Variants in MAP2 observed in about 807,000 individuals in gnomAD.
MAP2 encodes microtubule-associated protein 2.
MAP2 carries 14 observed loss-of-function variants against 137.6 expected under a neutral mutation model. The ratio of observed to expected loss-of-function variants is 0.10; its 90% confidence interval spans 0.07 to 0.16. The LOEUF (loss-of-function observed/expected upper bound fraction) is 0.16. Among genes scored for constraint, MAP2 ranks in the 10% least tolerant of loss-of-function variants. The pLI, the probability that MAP2 is intolerant of heterozygous loss-of-function variation, is 1.00. For missense variants in MAP2, 2,088 were observed against 2,191.5 expected, an observed-to-expected ratio of 0.95 and a Z score of 0.94; for synonymous variants, 786 against 782.3, an observed-to-expected ratio of 1.00 and a Z score of -0.08.
At chr2:209,426,613 T>C (rs774264584) in intron 1 of MAP2, among the ~76,000 whole-genome samples, 2 of 152,186 alleles carry the variant, frequency 1.3e-5, no homozygotes, top group African/African-American at 2.4e-5. Flanking sequence ...TTCAGATTCA[T>C]TGAGAGAGCA....
intron 5 of MAP2, among the ~76,000 whole-genome samples, chr2:209,656,722 T>C (rs779572700): frequency 4.0e-5 from 6 of 150,226 alleles, no homozygotes; most frequent in South Asian, 2.1e-4. Context: ...AGGAAAGCTG[T>C]CGTTATAATA....
At chr2:209,667,998 C>T (rs981466862) in intron 5 of MAP2, among the ~76,000 whole-genome samples, 55 of 151,996 alleles carry the variant, frequency 3.6e-4, no homozygotes, top group Non-Finnish European at 1.6e-4. Context: ...AGGCTACCTA[C>T]CTAGATAGCA....
In MAP2 at chr2:209,510,672, T is replaced by C. The variant is rs113096434; in HGVS notation, c.-172+3031T>C. Among the ~76,000 whole-genome samples, 542 of 152,096 alleles carry C rather than the reference T, an allele frequency of 3.6e-3. 2 individuals are homozygous for C. The highest frequency in any genetic ancestry group is 0.016 in the South Asian group (79 of 4,818). ...ATGATGGATTCTCAATTTTAGAATATAAAATAGGAAACAGATGCTTGTAAA... is the reference window on the plus strand; with the variant it reads ...ATGATGGATTCTCAATTTTAGAATACAAAATAGGAAACAGATGCTTGTAAA... On this transcript the variant is annotated intron_variant, in intron 2 of 15. Transcript: ENST00000682079.
intron 2 of MAP2, among the ~76,000 whole-genome samples, chr2:209,507,897 T>C (rs1379189597): frequency 6.6e-6 from 1 of 152,068 alleles, no homozygotes; most frequent in Non-Finnish European, 1.5e-5. Context: ...TTTCGAATAA[T>C]GAAAAAAATC....
chr2:209,557,786 G>C (rs1438348967), intron 2 of MAP2, among the ~76,000 whole-genome samples: 2 of 152,188 alleles, frequency 1.3e-5, no homozygotes, highest in African/African-American at 4.8e-5. Flanking sequence ...AAGTCCATGA[G>C]CAGTGTGGGA....
intron 2 of MAP2, among the ~76,000 whole-genome samples, chr2:209,518,978 AT>A (rs1344217602): frequency 6.6e-6 from 1 of 152,054 alleles, no homozygotes; most frequent in Non-Finnish European, 1.5e-5. Flanking sequence ...GAAATTTGGA[AT>A]TTTACTGTTT....
At chr2:209,468,324 T>C (rs1341492170) in intron 1 of MAP2, among the ~76,000 whole-genome samples, 30 of 139,636 alleles carry the variant, frequency 2.1e-4, no homozygotes, top group Admixed American at 1.9e-3. Flanking sequence ...TTTCTTTTTT[T>C]TTTTTTTTTT....
chr2:209,558,885 T>TA (rs2071315896), intron 2 of MAP2, among the ~76,000 whole-genome samples: 2 of 152,048 alleles, frequency 1.3e-5, no homozygotes, highest in African/African-American at 4.8e-5. Context: ...AGAGTATATA[T>TA]TTTTTGGGGA....
At chr2:209,646,148 A>T (rs1379823648) in intron 4 of MAP2, among the ~76,000 whole-genome samples, 1 of 152,172 alleles carries the variant, frequency 6.6e-6, no homozygotes, top group African/African-American at 2.4e-5. Flanking sequence ...AGTGAGTGTG[A>T]TTGCATCATT....
intron 2 of MAP2, among the ~76,000 whole-genome samples, chr2:209,536,594 A>G (rs1398676044): frequency 6.6e-6 from 1 of 152,180 alleles, no homozygotes; most frequent in Non-Finnish European, 1.5e-5. Flanking sequence ...AGCTTCTCAC[A>G]TGGTTCCAGA....
At chr2:209,544,883 G>A (rs969040915) in intron 2 of MAP2, among the ~76,000 whole-genome samples, 2 of 152,232 alleles carry the variant, frequency 1.3e-5, no homozygotes, top group Non-Finnish European at 2.9e-5. Context: ...TGATTACTCT[G>A]GGCTTGAATA....
Position 209,694,438 on chromosome 2 carries a change from C to G in MAP2, c.2268C>G (p.Ala756=). ...LPATTPALEK[A]PCFPVESKEE... is the part of the protein sequence containing the mutation. ...CCACCACACCTGCACTGGAGAAAGC[C>G]CCTTGCTTCCCTGTAGAAAGCAAAG... The change falls in exon 8 of 16, where the codon GCC becomes GCG. Residue 756 remains alanine (A), a synonymous_variant. Transcript: ENST00000682079. 6.2e-7 allele frequency: 1 copy of G among 1,613,948 alleles called. No homozygotes were observed. The highest frequency in any genetic ancestry group is 8.5e-7 in the Non-Finnish European group (1 of 1,179,964).
At chr2:209,492,838 A>G (rs1224375234) in intron 1 of MAP2, among the ~76,000 whole-genome samples, 1 of 152,188 alleles carries the variant, frequency 6.6e-6, no homozygotes, top group Admixed American at 6.5e-5. Flanking sequence ...AGGAAGAAAC[A>G]ATATCATGAA....
chr2:209,554,790 T>G (rs1408443806), intron 2 of MAP2, among the ~76,000 whole-genome samples: 1 of 151,378 alleles, frequency 6.6e-6, no homozygotes, highest in Non-Finnish European at 1.5e-5. Context: ...AAGCTCGTTT[T>G]GGGACTAAAA....
chr2:209,660,765 G>C (rs1343885789), intron 5 of MAP2, among the ~76,000 whole-genome samples: 1 of 139,670 alleles, frequency 7.2e-6, no homozygotes, highest in Non-Finnish European at 1.5e-5. Flanking sequence ...ACCGAGTCTC[G>C]CTCTGTCGCC....
chr2:209,462,852 AGTTTT>A (rs1703160985), intron 1 of MAP2, among the ~76,000 whole-genome samples: 1 of 152,134 alleles, frequency 6.6e-6, no homozygotes, highest in Non-Finnish European at 1.5e-5. Flanking sequence ...TTCTCCACTT[AGTTTT>A]AAGATTTTCC....
chr2:209,510,134 G>T (rs1371283766), intron 2 of MAP2, among the ~76,000 whole-genome samples: 1 of 151,084 alleles, frequency 6.6e-6, no homozygotes, highest in Non-Finnish European at 1.5e-5. Flanking sequence ...TTAAAAAAAT[G>T]TGTATTGGTT....
chr2:209,632,479 G>A (rs2093173230), intron 4 of MAP2, among the ~76,000 whole-genome samples: 2 of 152,120 alleles, frequency 1.3e-5, no homozygotes, highest in Admixed American at 1.3e-4. Flanking sequence ...CAACAAAAAA[G>A]TGTCATACTT....
At chr2:209,499,529 C>T (rs895430800) in intron 1 of MAP2, among the ~76,000 whole-genome samples, 1 of 152,280 alleles carries the variant, frequency 6.6e-6, no homozygotes, top group African/African-American at 2.4e-5. Context: ...TATAGCAACA[C>T]CCCACTCTTC....
Sources: gnomAD v4.1 joint callset for allele counts (sites outside exome capture counted in the v4.1 genomes callset) on GRCh38, gnomAD v4.1.1 for gene constraint, MANE v1.5 for transcripts, NCBI Gene and HGNC (gene_info 2026-07-23, HGNC 2026-07-21) for gene names.